Variants in ANKRD26 observed in about 807,000 individuals in gnomAD.
The protein encoded by ANKRD26 is ankyrin repeat domain 26, also known as ankyrin repeat domain-containing protein 26.
Under a neutral mutation model 208.7 loss-of-function variants are expected in ANKRD26, and 141 were observed. The observed-to-expected ratio is 0.68, with a 90% CI of 0.59 to 0.78. The LOEUF is 0.78. ANKRD26 is among the 30% of genes least tolerant of loss of function. The probability of loss-of-function intolerance (pLI) is 0.00; values close to 1 mark genes in which losing one functional copy is unlikely to be tolerated. For missense variants in ANKRD26, 1,889 were observed against 1,938.7 expected, an observed-to-expected ratio of 0.97 and a Z score of 0.48; for synonymous variants, 636 against 660.4, an observed-to-expected ratio of 0.96 and a Z score of 0.57.
At chr10:27,016,738 A>C (rs1390177442) in intron 30 of ANKRD26, among the ~76,000 whole-genome samples, 2 of 152,066 alleles carry the variant, frequency 1.3e-5, no homozygotes, top group Admixed American at 6.6e-5. Flanking sequence ...CTTGGGTCAA[A>C]CTGTTAAAAT....
the ANKRD26 span, among the ~76,000 whole-genome samples, chr10:26,959,272 T>C: frequency 2.1e-5 from 3 of 146,004 alleles, no homozygotes; most frequent in African/African-American, 7.6e-5. Flanking sequence ...AGTGAGATTG[T>C]GTCTCAAAAA....
At chr10:27,061,557 C>CTT (rs1299742662) in intron 12 of ANKRD26, among the ~76,000 whole-genome samples, 1 of 107,902 alleles carries the variant, frequency 9.3e-6, no homozygotes, top group African/African-American at 3.6e-5. Flanking sequence ...AATGCAACAT[C>CTT]TATTTTTTTT....
intron 1 of ANKRD26, among the ~76,000 whole-genome samples, chr10:27,095,216 G>A (rs2056428684): frequency 6.6e-6 from 1 of 152,122 alleles, no homozygotes; most frequent in Admixed American, 6.6e-5. Context: ...AGAAACTCAG[G>A]ATTCAAATGA....
intron 5 of ANKRD26, among the ~76,000 whole-genome samples, chr10:27,085,136 T>C (rs1460834253): frequency 6.6e-6 from 1 of 151,896 alleles, no homozygotes; most frequent in Non-Finnish European, 1.5e-5. Flanking sequence ...AGTCTCGCTC[T>C]GTCACCCAGG....
intron 16 of ANKRD26, among the ~76,000 whole-genome samples, chr10:27,052,655 A>G (rs2054702048): frequency 6.6e-6 from 1 of 152,158 alleles, no homozygotes; most frequent in African/African-American, 2.4e-5. Flanking sequence ...CCTAAGGTTC[A>G]TTAATAGTGG....
chr10:27,061,123 A>G (rs374206941), intron 13 of ANKRD26, 21 bp downstream of exon 13: 1 of 1,518,238 alleles, frequency 6.6e-7, no homozygotes, highest in South Asian at 1.1e-5. Flanking sequence ...GTTAACAAAA[A>G]TACGCATTTT....
chr10:27,089,726 A>G (rs1485020964), intron 4 of ANKRD26, among the ~76,000 whole-genome samples: 1 of 152,226 alleles, frequency 6.6e-6, no homozygotes, highest in African/African-American at 2.4e-5. Flanking sequence ...CACGGCTTGA[A>G]GCTGTGGTGA....
chr10:26,950,744 G>A, the ANKRD26 span, among the ~76,000 whole-genome samples: 66,178 of 143,610 alleles, frequency 0.46, 16,711 homozygotes, highest in Non-Finnish European at 0.56. Context: ...CTGTGAGCCA[G>A]TTAAACCTTT....
chr10:27,001,478 T>C (rs1248291309), downstream of ANKRD26, among the ~76,000 whole-genome samples: 1 of 152,192 alleles, frequency 6.6e-6, no homozygotes, highest in Non-Finnish European at 1.5e-5. Flanking sequence ...CAGGGTTTTA[T>C]AGATGAACTT....
At chr10:27,022,784 A>C (rs557820678) in intron 28 of ANKRD26, 97 bp from the exon 29 acceptor site, 31 of 1,136,696 alleles carry the variant, frequency 2.7e-5, no homozygotes, top group Admixed American at 8.9e-5. Flanking sequence ...TAAGAAAAAC[A>C]AATGAATCAT....
intron 32 of ANKRD26, 108 bp from the exon 33 acceptor site, chr10:27,007,070 C>T (rs2052914209): frequency 7.0e-6 from 5 of 717,896 alleles, no homozygotes; most frequent in Admixed American, 2.2e-5. Context: ...TTAAAGACTA[C>T]ACTTAACTTG....
chr10:27,003,006 T>G (rs887721625), downstream of ANKRD26, among the ~76,000 whole-genome samples: 6 of 152,228 alleles, frequency 3.9e-5, no homozygotes, highest in Non-Finnish European at 7.3e-5. Context: ...CTTAGAAGAT[T>G]AGTGATGTTT....
At chr10:27,018,393 C>T (rs1198342533) in intron 29 of ANKRD26, among the ~76,000 whole-genome samples, 1 of 151,952 alleles carries the variant, frequency 6.6e-6, no homozygotes, top group East Asian at 1.9e-4. Flanking sequence ...CTCAGCCTCC[C>T]GAAGTGCTGG....
chr10:27,068,196 C>A (rs921519178), intron 9 of ANKRD26, among the ~76,000 whole-genome samples: 2 of 152,118 alleles, frequency 1.3e-5, no homozygotes, highest in African/African-American at 4.8e-5. Flanking sequence ...CTGGATCATG[C>A]GGTGGTTTCC....
intron 5 of ANKRD26, among the ~76,000 whole-genome samples, chr10:27,083,437 A>G (rs755775526): frequency 2.0e-5 from 3 of 152,170 alleles, no homozygotes; most frequent in Non-Finnish European, 4.4e-5. Flanking sequence ...TAAAATAAAT[A>G]AACTGGCCAG....
chr10:27,054,823 G>A (rs1018200156), intron 15 of ANKRD26, among the ~76,000 whole-genome samples: 1 of 152,154 alleles, frequency 6.6e-6, no homozygotes, highest in East Asian at 1.9e-4. Context: ...GCAGAAAGGG[G>A]AAAGGGCTAA....
At chr10:27,060,318 A>C (rs2055007557) in intron 15 of ANKRD26, 27 bp downstream of exon 15, 1 of 1,533,608 alleles carries the variant, frequency 6.5e-7, no homozygotes, top group African/African-American at 1.4e-5. Context: ...CTTCCTTCCA[A>C]GATTAAATAT....
chr10:27,084,404 G>A (rs4747584), intron 5 of ANKRD26, among the ~76,000 whole-genome samples: 128,908 of 152,128 alleles, frequency 0.85, 54,947 homozygotes, highest in East Asian at 0.99. Context: ...TGAAAACTTT[G>A]AAGACCAAAA....
chr10:27,046,340 T>TCA lies in ANKRD26; in HGVS notation c.1985+11_1985+12dup, dbSNP rs779672336. The TCA allele has an allele frequency of 1.6e-5, 26 of 1,612,994 alleles. No individual in the cohort carries two copies. The highest frequency in any genetic ancestry group is 2.0e-5 in the Non-Finnish European group (23 of 1,179,430). On this transcript the variant is annotated intron_variant, in intron 18 of 33. Coordinates refer to ENST00000376087, the MANE Select transcript of ANKRD26 (RefSeq NM_014915.3). ...CTTCCTCCATAGAAAAATAAAGAAA[T>TCA]CATAGATTTTACCTTCCTTCATCCT...
Sources: gnomAD v4.1 joint callset for allele counts (sites outside exome capture counted in the v4.1 genomes callset) on GRCh38, gnomAD v4.1.1 for gene constraint, MANE v1.5 for transcripts, NCBI Gene and HGNC (gene_info 2026-07-23, HGNC 2026-07-21) for gene names.